The following CLSTN2 variants were observed in gnomAD, a reference collection of about 807,000 sequenced individuals.
CLSTN2 encodes the protein calsyntenin-2.
In CLSTN2, 48 loss-of-function variants were observed where a neutral mutation model predicts 101.2. The observed-to-expected ratio is 0.47, with a 90% CI of 0.38 to 0.60. CLSTN2 has a LOEUF of 0.60. Ranked by LOEUF, CLSTN2 falls within the 20% of genes least tolerant of loss-of-function variation. The pLI is 0.00. For synonymous variants in CLSTN2, 481 were observed against 463.6 expected (o/e 1.04, Z -0.48); for missense variants, 1,160 against 1,238.2 (o/e 0.94, Z 0.95).
chr3:140,530,640 G>T lies in CLSTN2; in HGVS notation c.1345-1684G>T, dbSNP rs1445795880. On this transcript the variant is annotated intron_variant, in intron 8 of 16. Coordinates refer to ENST00000458420, the MANE Select transcript of CLSTN2 (RefSeq NM_022131.3). Reference sequence around the variant, plus strand: ...CATCCAGCTTCAGCAGATGTGGATTGCTGTAGAGCCAGCTAAAGCACATGG... The same window carrying T: ...CATCCAGCTTCAGCAGATGTGGATTTCTGTAGAGCCAGCTAAAGCACATGG... Among the ~76,000 whole-genome samples the T allele has an allele frequency of 3.3e-5, 5 of 152,240 alleles. No individual in the cohort carries two copies. In the East Asian group the frequency reaches 9.6e-4, roughly 29 times the overall value.
chr3:140,052,771 C>T (rs1186677632), intron 1 of CLSTN2, among the ~76,000 whole-genome samples: 1 of 152,214 alleles, frequency 6.6e-6, no homozygotes, highest in Non-Finnish European at 1.5e-5. Context: ...TTGACATGGG[C>T]TCTGGAGCCC....
At chr3:140,025,845 C>G (rs2007408745) in intron 1 of CLSTN2, among the ~76,000 whole-genome samples, 1 of 152,122 alleles carries the variant, frequency 6.6e-6, no homozygotes, top group Non-Finnish European at 1.5e-5. Flanking sequence ...GCGATGGAGA[C>G]AGAAGCAGCT....
chr3:140,239,168 G>A (rs1368296832), intron 2 of CLSTN2, among the ~76,000 whole-genome samples: 3 of 152,140 alleles, frequency 2.0e-5, no homozygotes, highest in African/African-American at 7.2e-5. Flanking sequence ...TGAGGAGACA[G>A]GACAGAGTGC....
At chr3:140,165,354 T>C (rs185475920) in intron 1 of CLSTN2, among the ~76,000 whole-genome samples, 133 of 152,288 alleles carry the variant, frequency 8.7e-4, no homozygotes, top group African/African-American at 3.1e-3. Context: ...TGTGCTCACT[T>C]TGTTTACCAG....
At chr3:140,075,240 C>CCTCTTCT (rs1232250302) in intron 1 of CLSTN2, among the ~76,000 whole-genome samples, 2 of 151,890 alleles carry the variant, frequency 1.3e-5, no homozygotes, top group Admixed American at 6.6e-5. Flanking sequence ...TCTTTGGGTT[C>CCTCTTCT]CTTTTCTCTT....
chr3:140,545,563 C>T lies in CLSTN2; in HGVS notation c.1508-952C>T, dbSNP rs181412377. On this transcript the variant is annotated intron_variant, in intron 9 of 16. Coordinates refer to ENST00000458420, the MANE Select transcript of CLSTN2 (RefSeq NM_022131.3). ...CTTCTCTGAACAAACAGTACAAGAT[C>T]CAGGCTGGGAAGGTTGCTCAGAGAT... Among the ~76,000 whole-genome samples the T allele has an allele frequency of 1.1e-3, 168 of 152,304 alleles. 2 individuals are homozygous for T. The highest frequency in any genetic ancestry group is 3.9e-3 in the African/African-American group (161 of 41,544).
chr3:140,559,178 A>C lies in CLSTN2; in HGVS notation c.2041+321A>C, dbSNP rs565862390. Among the ~76,000 whole-genome samples the C allele has an allele frequency of 1.9e-3, 293 of 151,436 alleles. 3 individuals carry two copies. The highest frequency in any genetic ancestry group is 6.6e-3 in the African/African-American group (273 of 41,296). ...TCAACCATTTAAGAAAAAAAAAAAA[A>C]CACAGAAAAATGCCAAGAAGGACAC... On this transcript the variant is annotated intron_variant, in intron 12 of 16. Transcript: ENST00000458420.
At chr3:140,165,058 T>A (rs1364407202) in intron 1 of CLSTN2, among the ~76,000 whole-genome samples, 2 of 152,208 alleles carry the variant, frequency 1.3e-5, no homozygotes, top group Non-Finnish European at 2.9e-5. Flanking sequence ...GACTCAGCCA[T>A]CTGTCCTTCA....
chr3:140,165,289 G>A (rs1478287379), intron 1 of CLSTN2, among the ~76,000 whole-genome samples: 3 of 152,134 alleles, frequency 2.0e-5, no homozygotes, highest in Non-Finnish European at 4.4e-5. Flanking sequence ...CCTACTCATT[G>A]GAATCAAAGT....
chr3:140,158,767 G>A (rs539569447), intron 1 of CLSTN2, among the ~76,000 whole-genome samples: 43 of 152,186 alleles, frequency 2.8e-4, no homozygotes, highest in African/African-American at 1.0e-3. Flanking sequence ...CACACTCCCT[G>A]ATTTCAAACT....
intron 8 of CLSTN2, among the ~76,000 whole-genome samples, chr3:140,488,953 T>C (rs957460259): frequency 6.6e-6 from 1 of 152,154 alleles, no homozygotes; most frequent in African/African-American, 2.4e-5. Flanking sequence ...AAATCTATTA[T>C]CCTGTGTTCT....
Position 140,556,803 on chromosome 3 carries a change from G to T in CLSTN2, c.1823+142G>T, listed in dbSNP as rs891566719. On this transcript the variant is annotated intron_variant, in intron 11 of 16. Coordinates refer to ENST00000458420, the MANE Select transcript of CLSTN2 (RefSeq NM_022131.3). ...CAACTTCTGCTATTCCTCTGAGGAT[G>T]CCTCAAAGGATCTGTGTTCTTGTTT... The T allele has an allele frequency of 1.2e-5, 9 of 733,288 alleles. No individual in the cohort carries two copies. The Admixed American group carries it at 1.7e-4, about 14-fold the overall frequency. 45.4% of individuals were successfully genotyped at this position (733,288 alleles called of 1,614,324 possible). A position where few individuals can be genotyped will look rare whatever the true frequency, so the allele number is the denominator to read the frequency against.
At position 140,397,614 on chromosome 3, in the gene CLSTN2, CTG is replaced by C. The variant is rs560440833; in HGVS notation, c.233-6013_233-6012del. ...TTTTCTCATAGATAGCACCTTCTCACTGTAACCTCACATGGCTGAAGAGGACA... is the reference window on the plus strand; with the variant it reads ...TTTTCTCATAGATAGCACCTTCTCACTAACCTCACATGGCTGAAGAGGACA... On this transcript the variant is annotated intron_variant, in intron 2 of 16. Transcript: ENST00000458420. Among the ~76,000 whole-genome samples the C allele has an allele frequency of 3.3e-5, 5 of 152,276 alleles. No homozygotes were observed. In the South Asian group the frequency reaches 1.0e-3, roughly 32 times the overall value.
intron 1 of CLSTN2, among the ~76,000 whole-genome samples, chr3:139,989,427 G>T (rs969404204): frequency 2.0e-5 from 3 of 152,048 alleles, no homozygotes; most frequent in African/African-American, 7.3e-5. Context: ...TATCTTTTCT[G>T]TTGCAGAGAG....
At chr3:140,048,999 C>A (rs1052522877) in intron 1 of CLSTN2, among the ~76,000 whole-genome samples, 3 of 152,234 alleles carry the variant, frequency 2.0e-5, no homozygotes, top group Admixed American at 2.0e-4. Context: ...TTGTGCTGGT[C>A]TTTGCACACC....
intron 1 of CLSTN2, among the ~76,000 whole-genome samples, chr3:140,148,013 G>A (rs905183562): frequency 5.9e-5 from 9 of 152,296 alleles, no homozygotes; most frequent in South Asian, 4.1e-4. Flanking sequence ...GATAGTCTGC[G>A]ACTTATAAAG....
chr3:140,122,424 A>G (rs1429277630), intron 1 of CLSTN2, among the ~76,000 whole-genome samples: 1 of 152,220 alleles, frequency 6.6e-6, no homozygotes, highest in Non-Finnish European at 1.5e-5. Context: ...GGTGATAACC[A>G]CTAATGGAAT....
intron 1 of CLSTN2, among the ~76,000 whole-genome samples, chr3:140,096,825 AAAG>A (rs1162574776): frequency 6.6e-6 from 1 of 152,332 alleles, no homozygotes; most frequent in East Asian, 1.9e-4. Context: ...GAAAAGATAA[AAAG>A]AAGGAGTTCA....
chr3:139,957,492 T>A (rs1935428623), intron 1 of CLSTN2, among the ~76,000 whole-genome samples: 1 of 117,816 alleles, frequency 8.5e-6, no homozygotes, highest in Non-Finnish European at 1.9e-5. Flanking sequence ...TAATCTTTAC[T>A]TTTTTTTTTT....
Sources: gnomAD v4.1 joint callset for allele counts (sites outside exome capture counted in the v4.1 genomes callset) on GRCh38, gnomAD v4.1.1 for gene constraint, MANE v1.5 for transcripts, NCBI Gene and HGNC (gene_info 2026-07-23, HGNC 2026-07-21) for gene names.